HS6ST3: variants seen among roughly 807,000 people sequenced by gnomAD.
HS6ST3 encodes the protein heparan sulfate 6-O-sulfotransferase 3.
In HS6ST3, 12 loss-of-function variants were observed where a neutral mutation model predicts 36.7. The observed-to-expected ratio is 0.33, with a 90% CI of 0.21 to 0.53. The LOEUF (loss-of-function observed/expected upper bound fraction) is 0.53. Among genes scored for constraint, HS6ST3 ranks in the 20% least tolerant of loss-of-function variants. The pLI is 0.95. For missense variants in HS6ST3, 584 were observed against 640.9 expected (o/e 0.91, Z 0.96); for synonymous variants, 240 against 257.5 (o/e 0.93, Z 0.65).
At chr13:96,767,998 T>C (rs1594855537) in intron 1 of HS6ST3, among the ~76,000 whole-genome samples, 1 of 152,192 alleles carries the variant, frequency 6.6e-6, no homozygotes, top group South Asian at 2.1e-4. Context: ...TGCTCTCCCA[T>C]GTAAGCTAGA....
At chr13:96,313,891 CT>C (rs1335033545) in intron 1 of HS6ST3, among the ~76,000 whole-genome samples, 1 of 152,148 alleles carries the variant, frequency 6.6e-6, no homozygotes, top group Non-Finnish European at 1.5e-5. Context: ...CCACTGCACA[CT>C]GAGCATTTGC....
chr13:96,786,741 T>C (rs979106766), intron 1 of HS6ST3, among the ~76,000 whole-genome samples: 1 of 152,220 alleles, frequency 6.6e-6, no homozygotes, highest in Non-Finnish European at 1.5e-5. Flanking sequence ...TTTTTAAATT[T>C]TTATATAGTC....
At chr13:96,442,100 C>T (rs1241757732) in intron 1 of HS6ST3, among the ~76,000 whole-genome samples, 1 of 151,668 alleles carries the variant, frequency 6.6e-6, no homozygotes, top group African/African-American at 2.4e-5. Context: ...TGGCTCGTTG[C>T]AGCCTTGACC....
intron 1 of HS6ST3, among the ~76,000 whole-genome samples, chr13:96,189,964 A>T (rs1169838397): frequency 6.6e-6 from 1 of 152,138 alleles, no homozygotes; most frequent in Non-Finnish European, 1.5e-5. Flanking sequence ...CCCCACATTG[A>T]CTCAGATCTT....
At chr13:96,822,664 G>A (rs1006532941) in intron 1 of HS6ST3, among the ~76,000 whole-genome samples, 4 of 152,204 alleles carry the variant, frequency 2.6e-5, no homozygotes, top group African/African-American at 9.7e-5. Flanking sequence ...GGAATGACCT[G>A]TATGATCGAG....
At chr13:96,498,731 C>T (rs1178194911) in intron 1 of HS6ST3, among the ~76,000 whole-genome samples, 1 of 152,108 alleles carries the variant, frequency 6.6e-6, no homozygotes. Flanking sequence ...AACTTGTATC[C>T]TTTGTAATAA....
At chr13:96,764,464 G>T (rs759567767) in intron 1 of HS6ST3, among the ~76,000 whole-genome samples, 2 of 152,180 alleles carry the variant, frequency 1.3e-5, no homozygotes, top group Non-Finnish European at 2.9e-5. Flanking sequence ...GCTTCTCAAG[G>T]TCACACTGTA....
chr13:96,503,263 C>T (rs2056012742), intron 1 of HS6ST3, among the ~76,000 whole-genome samples: 1 of 152,134 alleles, frequency 6.6e-6, no homozygotes, highest in South Asian at 2.1e-4. Flanking sequence ...CCAAACCCTC[C>T]TAGAATGTTC....
intron 1 of HS6ST3, among the ~76,000 whole-genome samples, chr13:96,553,421 G>A (rs2056227317): frequency 6.6e-6 from 1 of 152,164 alleles, no homozygotes; most frequent in South Asian, 2.1e-4. Context: ...GATGGGATAT[G>A]AATGGTCCAG....
At chr13:96,160,066 G>A (rs1449986611) in intron 1 of HS6ST3, among the ~76,000 whole-genome samples, 1 of 152,182 alleles carries the variant, frequency 6.6e-6, no homozygotes, top group African/African-American at 2.4e-5. Flanking sequence ...TTAGCAACAT[G>A]CTAGGCATGT....
intron 1 of HS6ST3, among the ~76,000 whole-genome samples, chr13:96,285,343 G>T (rs78453100): frequency 0.027 from 4,085 of 152,238 alleles, 197 homozygotes; most frequent in African/African-American, 0.094. Flanking sequence ...GAGACTAAAA[G>T]ATACTTTTAT....
chr13:96,106,269 C>T (rs757766723), intron 1 of HS6ST3, among the ~76,000 whole-genome samples: 18 of 152,080 alleles, frequency 1.2e-4, no homozygotes, highest in Admixed American at 5.2e-4. Context: ...AGAGTACAAC[C>T]GAAGAGGAGA....
chr13:96,630,824 T>C (rs1001248290), intron 1 of HS6ST3, among the ~76,000 whole-genome samples: 5 of 152,204 alleles, frequency 3.3e-5, no homozygotes, highest in African/African-American at 1.2e-4. Context: ...TTTAAATTAT[T>C]ACAGTTTTTC....
chr13:96,787,901 G>A (rs1051428378), intron 1 of HS6ST3, among the ~76,000 whole-genome samples: 6 of 151,908 alleles, frequency 3.9e-5, no homozygotes, highest in Middle Eastern at 3.2e-3. Flanking sequence ...TATTTAGCTT[G>A]CTGATCCATT....
intron 1 of HS6ST3, among the ~76,000 whole-genome samples, chr13:96,273,895 T>C (rs1011787847): frequency 6.6e-6 from 1 of 151,258 alleles, no homozygotes; most frequent in Non-Finnish European, 1.5e-5. Context: ...TCTATGTCTT[T>C]CTGTGTGGCT....
chr13:96,678,174 G>A (rs978945168), intron 1 of HS6ST3, among the ~76,000 whole-genome samples: 1 of 152,078 alleles, frequency 6.6e-6, no homozygotes, highest in Non-Finnish European at 1.5e-5. Context: ...AAATATAAAT[G>A]TAATAAACTC....
chr13:96,727,396 T>G (rs923610454), intron 1 of HS6ST3, among the ~76,000 whole-genome samples: 4 of 152,026 alleles, frequency 2.6e-5, no homozygotes, highest in African/African-American at 9.7e-5. Context: ...ATCACTATTA[T>G]TATCATTATC....
chr13:96,458,716 A>C (rs1184110060), intron 1 of HS6ST3, among the ~76,000 whole-genome samples: 2 of 151,634 alleles, frequency 1.3e-5, no homozygotes, highest in South Asian at 2.1e-4. Context: ...ATTTTTTGCT[A>C]TATGTTTTCT....
At chr13:96,497,947 A>G (rs1333751165) in intron 1 of HS6ST3, among the ~76,000 whole-genome samples, 1 of 152,192 alleles carries the variant, frequency 6.6e-6, no homozygotes, top group Non-Finnish European at 1.5e-5. Context: ...ATTCACCAAC[A>G]TACATGGGAG....
Sources: allele counts gnomAD v4.1 joint callset (sites outside exome capture counted in the v4.1 genomes callset), GRCh38; gene constraint gnomAD v4.1.1; transcripts MANE v1.5; gene names NCBI Gene and HGNC (gene_info 2026-07-23, HGNC 2026-07-21).